Variants in MYOCOS observed in about 807,000 individuals in gnomAD.
MYOCOS encodes myocilin opposite strand.
chr1:171,611,013 T>C (rs1652342746), intron 1 of MYOCOS, among the ~76,000 whole-genome samples: 1 of 152,236 alleles, frequency 6.6e-6, no homozygotes, highest in African/African-American at 2.4e-5. Context: ...TGAGTTTGTA[T>C]GTATTCTTCT....
chr1:171,615,419 G>C (rs557255615), intron 2 of MYOCOS, among the ~76,000 whole-genome samples: 8 of 152,140 alleles, frequency 5.3e-5, no homozygotes, highest in Non-Finnish European at 1.2e-4. Flanking sequence ...TTTGGCGCTT[G>C]TGCTGCTGAA....
chr1:171,615,965 C>T (rs1652440522), intron 2 of MYOCOS, among the ~76,000 whole-genome samples: 1 of 151,888 alleles, frequency 6.6e-6, no homozygotes, highest in South Asian at 2.1e-4. Flanking sequence ...TGCCTGTAAT[C>T]CCAGGGCTTT....
chr1:171,614,393 G>T (rs1652410825), intron 1 of MYOCOS, among the ~76,000 whole-genome samples: 1 of 152,210 alleles, frequency 6.6e-6, no homozygotes, highest in South Asian at 2.1e-4. Context: ...AGAGGGATCA[G>T]TTGAACTGTG....
At chr1:171,621,433 T>G (rs1652571903), upstream of MYOCOS, among the ~76,000 whole-genome samples, 1 of 142,074 alleles carries the variant, frequency 7.0e-6, no homozygotes, top group South Asian at 2.3e-4. Context: ...TAGAGTGCAG[T>G]GGCGCGATCT....
At chr1:171,601,771 T>C (rs1012064277) in intron 1 of MYOCOS, among the ~76,000 whole-genome samples, 1 of 151,996 alleles carries the variant, frequency 6.6e-6, no homozygotes, top group South Asian at 2.1e-4. Flanking sequence ...ACCCCCTTCC[T>C]CCCCACAGTA....
chr1:171,603,920 A>G (rs535185283), intron 1 of MYOCOS, among the ~76,000 whole-genome samples: 1 of 152,242 alleles, frequency 6.6e-6, no homozygotes, highest in Non-Finnish European at 1.5e-5. Context: ...TGACTTTAAT[A>G]AATACCAAAG....
chr1:171,616,312 G>A (rs1212676464), intron 2 of MYOCOS, among the ~76,000 whole-genome samples: 1 of 152,138 alleles, frequency 6.6e-6, no homozygotes, highest in African/African-American at 2.4e-5. Flanking sequence ...AGCCAAGACA[G>A]GTGGATCACA....
chr1:171,621,579 G>A (rs568775758), upstream of MYOCOS, among the ~76,000 whole-genome samples: 72 of 152,076 alleles, frequency 4.7e-4, no homozygotes, highest in Middle Eastern at 3.4e-3. Flanking sequence ...GTTTCGCCGT[G>A]TTAGCCAGGA....
chr1:171,624,622 G>GT (rs879605984), intron 2 of MYOCOS, among the ~76,000 whole-genome samples: 3 of 138,588 alleles, frequency 2.2e-5, no homozygotes, highest in Admixed American at 7.2e-5. Context: ...GTGTGTGTGT[G>GT]TTTTTTTTTA....
chr1:171,620,071 A>G (rs1652526796), upstream of MYOCOS, among the ~76,000 whole-genome samples: 1 of 145,210 alleles, frequency 6.9e-6, no homozygotes, highest in Non-Finnish European at 1.5e-5. Context: ...CCCTTTACAT[A>G]TATATATATA....
intron 1 of MYOCOS, among the ~76,000 whole-genome samples, chr1:171,602,467 G>A (rs1170367264): frequency 6.6e-6 from 1 of 152,144 alleles, no homozygotes; most frequent in East Asian, 1.9e-4. Flanking sequence ...AGAAAATTCT[G>A]TGTGTAAACA....
chr1:171,610,671 C>T (rs1304467133), intron 1 of MYOCOS, among the ~76,000 whole-genome samples: 1 of 152,222 alleles, frequency 6.6e-6, no homozygotes, highest in African/African-American at 2.4e-5. Context: ...ACCTCTTAAT[C>T]ACCTCTTAAA....
intron 1 of MYOCOS, among the ~76,000 whole-genome samples, chr1:171,609,695 A>G (rs1351407629): frequency 1.3e-5 from 2 of 152,198 alleles, no homozygotes; most frequent in African/African-American, 4.8e-5. Context: ...GACACAGGGT[A>G]TATCAATGTT....
At chr1:171,621,564 A>G (rs939235558), upstream of MYOCOS, among the ~76,000 whole-genome samples, 1 of 151,696 alleles carries the variant, frequency 6.6e-6, no homozygotes, top group African/African-American at 2.4e-5. Flanking sequence ...TTTAGTAGAG[A>G]CGGGGTTTCG....
At chr1:171,620,311 A>G (rs1652535515), upstream of MYOCOS, among the ~76,000 whole-genome samples, 1 of 151,860 alleles carries the variant, frequency 6.6e-6, no homozygotes, top group South Asian at 2.1e-4. Flanking sequence ...ATCGTGACTT[A>G]CTCTCCAACC....
Position 171,626,706 on chromosome 1 carries a change from T to TTTCCTA in MYOCOS, c.*108_*113dup. On this transcript the variant is annotated 3_prime_UTR_variant, in exon 3 of 3. Transcript: ENST00000637642. ...AGAAGACTCTTGAAGATCTTTGTTC[T>TTTCCTA]TTCCTATTTTTCTTCACCTAGAACC... is the stretch of plus-strand genomic sequence containing the variant. The TTTCCTA allele has an allele frequency of 2.5e-6, 1 of 397,594 alleles. No homozygotes were observed. Among genetic ancestry groups the TTTCCTA allele is most frequent in the Non-Finnish European group, 4.4e-6 (1 of 225,742 alleles). The allele number at this position is 397,594 out of a possible 1,614,324, so 24.6% of individuals were successfully genotyped here.
At chr1:171,604,399 G>A (rs988999200) in intron 1 of MYOCOS, 4 of 152,138 alleles carry the variant, frequency 2.6e-5, no homozygotes, top group Admixed American at 1.3e-4. Context: ...GATTGCTACA[G>A]TCCTATTATT....
At chr1:171,614,034 C>A (rs1317003875) in intron 1 of MYOCOS, among the ~76,000 whole-genome samples, 1 of 152,200 alleles carries the variant, frequency 6.6e-6, no homozygotes, top group Admixed American at 6.5e-5. Flanking sequence ...TCCCCTGAAT[C>A]TCTCAAAATC....
intron 1 of MYOCOS, among the ~76,000 whole-genome samples, chr1:171,611,401 C>T (rs1259589332): frequency 1.3e-5 from 2 of 152,136 alleles, no homozygotes; most frequent in Non-Finnish European, 2.9e-5. Context: ...CCTGCTCAAA[C>T]TCATGACTTT....
Sources: gnomAD v4.1 joint callset for allele counts (sites outside exome capture counted in the v4.1 genomes callset) on GRCh38, gnomAD v4.1.1 for gene constraint, MANE v1.5 for transcripts, NCBI Gene and HGNC (gene_info 2026-07-23, HGNC 2026-07-21) for gene names.